The following ARHGAP44 variants were observed in gnomAD, a reference collection of about 807,000 sequenced individuals.
ARHGAP44 encodes the protein rho GTPase-activating protein 44.
ARHGAP44 carries 43 observed loss-of-function variants against 106.8 expected under a neutral mutation model. That is an observed-to-expected ratio of 0.40 (90% CI 0.32 to 0.52). The LOEUF is 0.52. Ranked by LOEUF, ARHGAP44 falls within the 20% of genes least tolerant of loss-of-function variation. The pLI is 0.48. For synonymous variants in ARHGAP44, 439 were observed against 410.3 expected, an observed-to-expected ratio of 1.07 and a Z score of -0.85; for missense variants, 866 against 1,050.5, an observed-to-expected ratio of 0.82 and a Z score of 2.43.
At chr17:12,797,375 A>G (rs2033955771) in intron 1 of ARHGAP44, among the ~76,000 whole-genome samples, 2 of 152,220 alleles carry the variant, frequency 1.3e-5, no homozygotes, top group South Asian at 4.1e-4. Context: ...TGATTAGTGT[A>G]ATTCATACCC....
chr17:12,889,759 A>G (rs1260972900), intron 1 of ARHGAP44, among the ~76,000 whole-genome samples: 3 of 152,302 alleles, frequency 2.0e-5, no homozygotes, highest in African/African-American at 7.2e-5. Context: ...ATTCTTCCTG[A>G]GGCAAACTTC....
chr17:12,987,192 A>G, intron 20 of ARHGAP44: 1 of 1,504,056 alleles, frequency 6.6e-7, no homozygotes, highest in East Asian at 2.5e-5. Context: ...CCCGCTAGCT[A>G]GCCAGGCCAG....
At chr17:12,875,815 G>T (rs1333731643) in intron 1 of ARHGAP44, among the ~76,000 whole-genome samples, 1 of 152,054 alleles carries the variant, frequency 6.6e-6, no homozygotes, top group African/African-American at 2.4e-5. Context: ...ATGGTGGCAG[G>T]TGCCTGTAAT....
chr17:12,950,869 G>C (rs2143089987), intron 12 of ARHGAP44, among the ~76,000 whole-genome samples: 1 of 152,270 alleles, frequency 6.6e-6, no homozygotes, highest in Non-Finnish European at 1.5e-5. Context: ...AACACCATGA[G>C]GAACAGGTGT....
chr17:12,851,032 G>C lies in ARHGAP44; in HGVS notation c.54-43908G>C, dbSNP rs936456583. ...CTCATTGGTAAAATGAGAATAAGAT[G>C]CTATGATCTGTAGAGTCCGTTTCAG... On this transcript the variant is annotated intron_variant, in intron 1 of 20. Coordinates refer to ENST00000379672, the MANE Select transcript of ARHGAP44 (RefSeq NM_014859.6). Among the ~76,000 whole-genome samples the C allele has an allele frequency of 2.0e-5, 3 of 152,204 alleles. No individual in the cohort carries two copies. In the East Asian group the frequency reaches 5.8e-4, roughly 29 times the overall value.
chr17:12,800,533 G>A (rs559266321), intron 1 of ARHGAP44, among the ~76,000 whole-genome samples: 26 of 152,294 alleles, frequency 1.7e-4, no homozygotes, highest in African/African-American at 6.3e-4. Context: ...GATGTGAGAA[G>A]TTATATCCTG....
rs79988355 is a variant in ARHGAP44, at chr17:12,989,529, C to A, written c.2318-503C>A. 7.7e-4 allele frequency among the ~76,000 whole-genome samples: 117 copies of A among 152,244 alleles called. 1 individual carries two copies. In the East Asian group the frequency reaches 0.018, roughly 24 times the overall value. On this transcript the variant is annotated intron_variant, in intron 20 of 20. Coordinates refer to ENST00000379672, the MANE Select transcript of ARHGAP44 (RefSeq NM_014859.6). The stretch of plus-strand genomic sequence containing the variant: ...TGACAACCAGGGTCCTGAGGGAGAC[C>A]TTCTACTCCACCCATGTCAGCCATC...
chr17:12,888,245 A>T (rs974060342), intron 1 of ARHGAP44, among the ~76,000 whole-genome samples: 14 of 152,042 alleles, frequency 9.2e-5, no homozygotes, highest in Admixed American at 5.2e-4. Context: ...ATTTAATGCT[A>T]TAATTTTTTT....
intron 1 of ARHGAP44, among the ~76,000 whole-genome samples, chr17:12,825,016 A>G (rs1452992782): frequency 6.6e-6 from 1 of 151,906 alleles, no homozygotes; most frequent in Non-Finnish European, 1.5e-5. Flanking sequence ...TTCTAACTAC[A>G]TGCTCATTTA....
intron 10 of ARHGAP44, among the ~76,000 whole-genome samples, chr17:12,944,489 T>A (rs2038796244): frequency 1.4e-5 from 2 of 146,030 alleles, no homozygotes; most frequent in Admixed American, 1.4e-4. Context: ...ATTCTGCTAT[T>A]TTTTTTTTTT....
At chr17:12,876,916 A>C (rs1041938538) in intron 1 of ARHGAP44, among the ~76,000 whole-genome samples, 18 of 151,710 alleles carry the variant, frequency 1.2e-4, no homozygotes, top group African/African-American at 4.1e-4. Context: ...TCTCAAAAAA[A>C]AAAAAAAAAA....
At chr17:12,881,512 C>T (rs2036737412) in intron 1 of ARHGAP44, among the ~76,000 whole-genome samples, 1 of 152,014 alleles carries the variant, frequency 6.6e-6, no homozygotes, top group African/African-American at 2.4e-5. Context: ...CCTGAACATA[C>T]CCTTCCTTCT....
At chr17:12,944,581 G>A (rs2038800472) in intron 10 of ARHGAP44, among the ~76,000 whole-genome samples, 1 of 151,782 alleles carries the variant, frequency 6.6e-6, no homozygotes, top group Non-Finnish European at 1.5e-5. Context: ...TGCCTCCTGG[G>A]TTCAAGTGAT....
At chr17:12,942,031 G>A (rs1039526026) in intron 8 of ARHGAP44, among the ~76,000 whole-genome samples, 1 of 152,164 alleles carries the variant, frequency 6.6e-6, no homozygotes, top group Non-Finnish European at 1.5e-5. Context: ...AACAACTGTG[G>A]GCTGTTAGAA....
intron 1 of ARHGAP44, among the ~76,000 whole-genome samples, chr17:12,869,159 G>C (rs998987674): frequency 1.3e-5 from 2 of 152,112 alleles, no homozygotes; most frequent in Non-Finnish European, 2.9e-5. Context: ...GAGACTCAGA[G>C]AGCAGTGAAG....
intron 1 of ARHGAP44, among the ~76,000 whole-genome samples, chr17:12,810,545 C>T (rs903374541): frequency 6.6e-6 from 1 of 152,132 alleles, no homozygotes; most frequent in Non-Finnish European, 1.5e-5. Flanking sequence ...CTTTGAGTCA[C>T]CCCAACTTCT....
intron 18 of ARHGAP44, among the ~76,000 whole-genome samples, chr17:12,979,393 G>A (rs752960297): frequency 6.6e-5 from 10 of 152,112 alleles, no homozygotes; most frequent in Non-Finnish European, 1.2e-4. Flanking sequence ...GAGGTCAGAG[G>A]CCAGAGCCCT....
Position 12,944,200 on chromosome 17 carries a change from G to A in ARHGAP44, c.861+4G>A. On this transcript the variant is annotated splice_donor_region_variant and intron_variant, in intron 10 of 20. Transcript: ENST00000379672. ...TGAGTGTGGGATGCAGGAGGAGGTA[G>A]GTCTGAGCACAGCCACACGCCGCCC... is the stretch of plus-strand genomic sequence containing the variant. The A allele has an allele frequency of 6.2e-7, 1 of 1,604,062 alleles. No homozygotes were observed.
chr17:12,961,259 C>G (rs1360607876), intron 16 of ARHGAP44, among the ~76,000 whole-genome samples: 1 of 152,206 alleles, frequency 6.6e-6, no homozygotes, highest in East Asian at 1.9e-4. Context: ...TGAGCAATAT[C>G]TTGAGCAGAT....
Sources: allele counts gnomAD v4.1 joint callset (sites outside exome capture counted in the v4.1 genomes callset), GRCh38; gene constraint gnomAD v4.1.1; transcripts MANE v1.5; gene names NCBI Gene and HGNC (gene_info 2026-07-23, HGNC 2026-07-21).